Variants in REDIC1 observed in about 807,000 individuals in gnomAD.
The protein encoded by REDIC1 is HEI10 Interacting Protein 1.
At chr12:39,860,465 T>G in the REDIC1 span, among the ~76,000 whole-genome samples, 1 of 152,182 alleles carries the variant, frequency 6.6e-6, no homozygotes, top group South Asian at 2.1e-4. Flanking sequence ...TTAATTATCA[T>G]GCATGGATAA....
chr12:39,858,745 T>A, the REDIC1 span, among the ~76,000 whole-genome samples: 1 of 152,126 alleles, frequency 6.6e-6, no homozygotes, highest in African/African-American at 2.4e-5. Flanking sequence ...TAGCTGGGAT[T>A]ATAGGAGCCT....
At chr12:39,903,831 G>A in the REDIC1 span, among the ~76,000 whole-genome samples, 3 of 152,026 alleles carry the variant, frequency 2.0e-5, no homozygotes, top group African/African-American at 7.2e-5. Context: ...AAAACTAATG[G>A]GTAGGAAAAG....
the REDIC1 span, among the ~76,000 whole-genome samples, chr12:39,856,260 T>C: frequency 6.6e-6 from 1 of 152,192 alleles, no homozygotes; most frequent in African/African-American, 2.4e-5. Context: ...CATCCATCCA[T>C]TCATCCATCC....
At chr12:39,680,871 G>A in the REDIC1 span, among the ~76,000 whole-genome samples, 1 of 152,170 alleles carries the variant, frequency 6.6e-6, no homozygotes, top group African/African-American at 2.4e-5. Context: ...CCTAGATGGA[G>A]TTGGAAACTA....
At chr12:39,762,445 GC>G in the REDIC1 span, among the ~76,000 whole-genome samples, 1 of 122,334 alleles carries the variant, frequency 8.2e-6, no homozygotes, top group Non-Finnish European at 1.8e-5. Context: ...TTGACATAAT[GC>G]CCCCCAAGGG....
the REDIC1 span, among the ~76,000 whole-genome samples, chr12:39,629,445 T>C: frequency 6.6e-6 from 1 of 152,206 alleles, no homozygotes; most frequent in South Asian, 2.1e-4. Flanking sequence ...AAACCTGATA[T>C]AGTGAGTTTA....
the REDIC1 span, among the ~76,000 whole-genome samples, chr12:39,793,143 A>C: frequency 6.6e-6 from 1 of 152,200 alleles, no homozygotes; most frequent in Non-Finnish European, 1.5e-5. Flanking sequence ...GAATTTAGCA[A>C]GGTTGCATTT....
the REDIC1 span, among the ~76,000 whole-genome samples, chr12:39,740,273 G>T: frequency 6.6e-6 from 1 of 152,178 alleles, no homozygotes; most frequent in Non-Finnish European, 1.5e-5. Flanking sequence ...AGGTGGAACA[G>T]CATGTAGGAA....
chr12:39,872,532 C>T, the REDIC1 span, among the ~76,000 whole-genome samples: 5 of 152,072 alleles, frequency 3.3e-5, no homozygotes, highest in East Asian at 3.9e-4. Flanking sequence ...TTATGTTTCC[C>T]GAAAAAGGGT....
At chr12:39,732,737 C>G in the REDIC1 span, among the ~76,000 whole-genome samples, 3 of 152,050 alleles carry the variant, frequency 2.0e-5, no homozygotes, top group African/African-American at 7.2e-5. Flanking sequence ...AATTATGAAC[C>G]ATATTTGATT....
the REDIC1 span, among the ~76,000 whole-genome samples, chr12:39,666,557 G>T: frequency 6.6e-6 from 1 of 152,098 alleles, no homozygotes; most frequent in Admixed American, 6.5e-5. Context: ...CCCGGCTTTG[G>T]TATCAGGATG....
chr12:39,908,016 G>C, the REDIC1 span: 64,859 of 151,768 alleles, frequency 0.43, 14,341 homozygotes, highest in East Asian at 0.76. Context: ...CAAAATTCAT[G>C]AACCACAATT....
the REDIC1 span, among the ~76,000 whole-genome samples, chr12:39,858,715 T>A: frequency 1.3e-5 from 2 of 152,158 alleles, no homozygotes; most frequent in Non-Finnish European, 2.9e-5. Context: ...CAAGCGATTC[T>A]CCTGCCTCAG....
chr12:39,693,093 G>T, the REDIC1 span, among the ~76,000 whole-genome samples: 1 of 151,904 alleles, frequency 6.6e-6, no homozygotes, highest in Non-Finnish European at 1.5e-5. Context: ...CTGAAGTTTG[G>T]TTTTCTTTAT....
At chr12:39,890,147 A>G in the REDIC1 span, among the ~76,000 whole-genome samples, 1 of 152,196 alleles carries the variant, frequency 6.6e-6, no homozygotes, top group South Asian at 2.1e-4. Flanking sequence ...CTAGGTATAT[A>G]TTAATATAAA....
At chr12:39,646,419 A>G in the REDIC1 span, 2 of 1,521,304 alleles carry the variant, frequency 1.3e-6, no homozygotes, top group Non-Finnish European at 1.8e-6. Context: ...ATGTCGCCTC[A>G]CTGTGTACCT....
the REDIC1 span, among the ~76,000 whole-genome samples, chr12:39,892,381 T>A: frequency 3.3e-5 from 5 of 152,328 alleles, no homozygotes; most frequent in African/African-American, 9.6e-5. Flanking sequence ...TGGAACTGTC[T>A]GGCCCGGCCA....
At chr12:39,854,146 G>A in the REDIC1 span, among the ~76,000 whole-genome samples, 1 of 151,558 alleles carries the variant, frequency 6.6e-6, no homozygotes, top group African/African-American at 2.4e-5. Flanking sequence ...GGAGGCAGGT[G>A]GACAGAACAA....
chr12:39,682,300 T>A, the REDIC1 span, among the ~76,000 whole-genome samples: 1 of 152,130 alleles, frequency 6.6e-6, no homozygotes, highest in Non-Finnish European at 1.5e-5. Context: ...TTGTCTAGTT[T>A]ATTCTTTAGA....
Sources: allele counts gnomAD v4.1 joint callset (sites outside exome capture counted in the v4.1 genomes callset), GRCh38; gene constraint gnomAD v4.1.1; transcripts MANE v1.5; gene names NCBI Gene and HGNC (gene_info 2026-07-23, HGNC 2026-07-21).